NCAM1: variants seen among roughly 807,000 people sequenced by gnomAD.
NCAM1 encodes the protein neural cell adhesion molecule 1.
In NCAM1, 14 loss-of-function variants were observed where a neutral mutation model predicts 109.8. The ratio of observed to expected loss-of-function variants is 0.13; its 90% confidence interval spans 0.08 to 0.20. The LOEUF is 0.20. Among genes scored for constraint, NCAM1 ranks in the 10% least tolerant of loss-of-function variants. NCAM1 has a pLI of 1.00. For synonymous variants in NCAM1, 418 were observed against 442.9 expected (o/e 0.94, Z 0.70); for missense variants, 774 against 1,109.9 (o/e 0.70, Z 4.30).
intron 1 of NCAM1, among the ~76,000 whole-genome samples, chr11:113,119,810 G>A (rs1337449336): frequency 6.6e-6 from 1 of 152,032 alleles, no homozygotes; most frequent in East Asian, 1.9e-4. Flanking sequence ...CTATTTTAAT[G>A]TATTAGAGAT....
At chr11:113,249,737 A>G (rs1420283317) in intron 15 of NCAM1, among the ~76,000 whole-genome samples, 1 of 152,200 alleles carries the variant, frequency 6.6e-6, no homozygotes, top group East Asian at 1.9e-4. Flanking sequence ...AAGATAATTG[A>G]TCAATTAATC....
chr11:113,049,789 A>G (rs1219361641), intron 1 of NCAM1, among the ~76,000 whole-genome samples: 4 of 152,214 alleles, frequency 2.6e-5, no homozygotes, highest in Non-Finnish European at 5.9e-5. Context: ...GAACAGTTAC[A>G]ATCATTTCCC....
intron 1 of NCAM1, among the ~76,000 whole-genome samples, chr11:113,080,287 G>A (rs1555086921): frequency 6.6e-6 from 1 of 152,074 alleles, no homozygotes; most frequent in African/African-American, 2.4e-5. Context: ...AGGTCCTCAG[G>A]TAAGCATATA....
chr11:112,964,103 TA>T (rs1950651975), intron 1 of NCAM1, among the ~76,000 whole-genome samples: 1 of 150,464 alleles, frequency 6.6e-6, no homozygotes, highest in African/African-American at 2.4e-5. Flanking sequence ...ACAACAAGTA[TA>T]TATACATATG....
At chr11:113,114,883 A>C (rs1555094533) in intron 1 of NCAM1, among the ~76,000 whole-genome samples, 1 of 152,220 alleles carries the variant, frequency 6.6e-6, no homozygotes, top group African/African-American at 2.4e-5. Flanking sequence ...AAATACCAGA[A>C]ATATATAAAT....
intron 1 of NCAM1, among the ~76,000 whole-genome samples, chr11:113,196,381 G>T (rs921803338): frequency 6.6e-6 from 1 of 152,182 alleles, no homozygotes; most frequent in African/African-American, 2.4e-5. Flanking sequence ...TTATTTTAAT[G>T]TAGAGAGTAG....
chr11:113,051,235 G>T (rs1264715514), intron 1 of NCAM1, among the ~76,000 whole-genome samples: 1 of 152,182 alleles, frequency 6.6e-6, no homozygotes, highest in East Asian at 1.9e-4. Context: ...AGGTTATTTT[G>T]ATAAGTTTGT....
chr11:112,976,559 A>C (rs1224092090), intron 1 of NCAM1, among the ~76,000 whole-genome samples: 1 of 151,918 alleles, frequency 6.6e-6, no homozygotes, highest in Non-Finnish European at 1.5e-5. Flanking sequence ...CTAGCTGGAC[A>C]CTGAAACTTC....
chr11:113,003,129 A>G (rs1317091494), intron 1 of NCAM1, among the ~76,000 whole-genome samples: 3 of 152,260 alleles, frequency 2.0e-5, no homozygotes, highest in African/African-American at 7.2e-5. Context: ...GAAGCTTAAA[A>G]TATTGCCATG....
At chr11:113,068,755 G>A (rs577895629) in intron 1 of NCAM1, among the ~76,000 whole-genome samples, 1 of 152,200 alleles carries the variant, frequency 6.6e-6, no homozygotes, top group East Asian at 1.9e-4. Flanking sequence ...CCTTACCACT[G>A]GAATATGTGG....
At chr11:113,123,682 C>T (rs1941062194) in intron 1 of NCAM1, among the ~76,000 whole-genome samples, 1 of 152,170 alleles carries the variant, frequency 6.6e-6, no homozygotes, top group Non-Finnish European at 1.5e-5. Context: ...CCTTAGAGCC[C>T]CTTCAGGGGA....
intron 1 of NCAM1, among the ~76,000 whole-genome samples, chr11:113,074,161 C>T (rs575339031): frequency 6.6e-6 from 1 of 152,286 alleles, no homozygotes; most frequent in East Asian, 1.9e-4. Context: ...TCCCTTTGAG[C>T]TTCGCAGTAT....
chr11:113,247,020 A>G (rs550744480), intron 15 of NCAM1, among the ~76,000 whole-genome samples: 41 of 152,332 alleles, frequency 2.7e-4, no homozygotes, highest in Admixed American at 7.8e-4. Flanking sequence ...TCACTTGGCA[A>G]TTACCATGAA....
chr11:113,250,443 T>C (rs1485025052), intron 15 of NCAM1, among the ~76,000 whole-genome samples: 2 of 152,258 alleles, frequency 1.3e-5, no homozygotes, highest in African/African-American at 4.8e-5. Context: ...GCCACATTTC[T>C]AACCTCTGGA....
chr11:113,031,585 G>T (rs553415085), intron 1 of NCAM1, among the ~76,000 whole-genome samples: 1 of 151,962 alleles, frequency 6.6e-6, no homozygotes, highest in Non-Finnish European at 1.5e-5. Flanking sequence ...CCAGCTACTC[G>T]GGAGGCTGAG....
intron 1 of NCAM1, among the ~76,000 whole-genome samples, chr11:113,188,127 C>G (rs1943568679): frequency 6.6e-6 from 1 of 152,150 alleles, no homozygotes; most frequent in African/African-American, 2.4e-5. Context: ...AAAGCTCACC[C>G]TGGGAATTTG....
At chr11:113,123,544 A>G (rs556945616) in intron 1 of NCAM1, among the ~76,000 whole-genome samples, 157 of 152,270 alleles carry the variant, frequency 1.0e-3, no homozygotes, top group African/African-American at 3.4e-3. Context: ...CTCTCACACC[A>G]CTGACCATGG....
intron 1 of NCAM1, among the ~76,000 whole-genome samples, chr11:113,160,438 T>C (rs1172060287): frequency 4.6e-5 from 7 of 152,138 alleles, no homozygotes; most frequent in Non-Finnish European, 1.0e-4. Context: ...CTGGCACTGG[T>C]ACAAAATCCC....
At chr11:113,058,851 C>A (rs1555083034) in intron 1 of NCAM1, among the ~76,000 whole-genome samples, 1 of 152,198 alleles carries the variant, frequency 6.6e-6, no homozygotes, top group Non-Finnish European at 1.5e-5. Context: ...ATTCTCCTGA[C>A]AGACACACTT....
Sources: allele counts gnomAD v4.1 joint callset (sites outside exome capture counted in the v4.1 genomes callset), GRCh38; gene constraint gnomAD v4.1.1; transcripts MANE v1.5; gene names NCBI Gene and HGNC (gene_info 2026-07-23, HGNC 2026-07-21).